Variants in CNTN4 observed in about 807,000 individuals in gnomAD.
CNTN4 encodes the protein contactin-4.
CNTN4 carries 77 observed loss-of-function variants against 122.5 expected under a neutral mutation model. The observed-to-expected ratio is 0.63, with a 90% CI of 0.52 to 0.76. The LOEUF is 0.76. CNTN4 is among the 30% of genes least tolerant of loss of function. The pLI, the probability that CNTN4 is intolerant of heterozygous loss-of-function variation, is 0.00. For synonymous variants in CNTN4, 512 were observed against 447.0 expected (o/e 1.15, Z -1.83); for missense variants, 1,256 against 1,259.1 (o/e 1.00, Z 0.04).
intron 3 of CNTN4, among the ~76,000 whole-genome samples, chr3:2,348,491 T>A (rs2044488754): frequency 6.6e-6 from 1 of 152,204 alleles, no homozygotes; most frequent in Non-Finnish European, 1.5e-5. Flanking sequence ...AGAACCACCC[T>A]GTCCCTGAAC....
intron 12 of CNTN4, among the ~76,000 whole-genome samples, chr3:2,923,063 C>T (rs2094443673): frequency 6.6e-6 from 1 of 152,138 alleles, no homozygotes; most frequent in African/African-American, 2.4e-5. Context: ...GTCTGATATG[C>T]TATTTCAAAT....
chr3:3,012,031 T>C (rs1697282757), intron 14 of CNTN4, among the ~76,000 whole-genome samples: 1 of 152,160 alleles, frequency 6.6e-6, no homozygotes, highest in Non-Finnish European at 1.5e-5. Flanking sequence ...ACAAGTCAAA[T>C]AACTTTCCCA....
intron 2 of CNTN4, among the ~76,000 whole-genome samples, chr3:2,335,231 AAACTTT>A (rs1214173945): frequency 6.6e-6 from 1 of 152,120 alleles, no homozygotes; most frequent in Admixed American, 6.6e-5. Flanking sequence ...TTTATAATAA[AAACTTT>A]AACTTAGGAT....
At chr3:3,050,997 C>G (rs1574941365) in intron 23 of CNTN4, among the ~76,000 whole-genome samples, 1 of 152,262 alleles carries the variant, frequency 6.6e-6, no homozygotes, top group Non-Finnish European at 1.5e-5. Context: ...CCCAAGATGG[C>G]TTTGAATGTG....
At chr3:2,950,071 C>G (rs759656507) in intron 13 of CNTN4, among the ~76,000 whole-genome samples, 14 of 152,212 alleles carry the variant, frequency 9.2e-5, no homozygotes, top group Non-Finnish European at 1.6e-4. Flanking sequence ...TAACTGCTTA[C>G]CCACCTGATT....
chr3:2,147,195 T>C (rs576434928), intron 2 of CNTN4, among the ~76,000 whole-genome samples: 2 of 152,156 alleles, frequency 1.3e-5, no homozygotes, highest in Non-Finnish European at 2.9e-5. Flanking sequence ...CATAGTATTA[T>C]AGAAAATGTC....
intron 4 of CNTN4, among the ~76,000 whole-genome samples, chr3:2,629,054 C>G (rs1013867111): frequency 6.6e-6 from 1 of 152,150 alleles, no homozygotes; most frequent in Non-Finnish European, 1.5e-5. Context: ...GAAGCGGTAT[C>G]TGAAAGGAAC....
intron 4 of CNTN4, among the ~76,000 whole-genome samples, chr3:2,587,067 A>G (rs1381160792): frequency 6.6e-6 from 1 of 152,202 alleles, no homozygotes; most frequent in Non-Finnish European, 1.5e-5. Flanking sequence ...TAAAATGAGT[A>G]AAGTTTTGAT....
intron 13 of CNTN4, among the ~76,000 whole-genome samples, chr3:2,960,046 C>A (rs941493368): frequency 6.6e-6 from 1 of 151,138 alleles, no homozygotes; most frequent in East Asian, 1.9e-4. Context: ...GAAAATATTC[C>A]AAAATGAAAT....
intron 2 of CNTN4, among the ~76,000 whole-genome samples, chr3:2,148,697 G>T (rs72622120): frequency 6.6e-6 from 1 of 152,040 alleles, no homozygotes. Context: ...ATAATTATCA[G>T]ATGACGAAAT....
intron 3 of CNTN4, among the ~76,000 whole-genome samples, chr3:2,439,341 G>T (rs567195249): frequency 6.6e-6 from 1 of 152,210 alleles, no homozygotes; most frequent in South Asian, 2.1e-4. Flanking sequence ...TTATTTTGAT[G>T]CATACTGAAG....
At chr3:2,952,319 A>G (rs1486561270) in intron 13 of CNTN4, among the ~76,000 whole-genome samples, 1 of 152,164 alleles carries the variant, frequency 6.6e-6, no homozygotes, top group Non-Finnish European at 1.5e-5. Flanking sequence ...CATAAAAAGG[A>G]CTAGATTTGG....
chr3:2,410,644 T>G (rs1405181126), intron 3 of CNTN4, among the ~76,000 whole-genome samples: 1 of 152,182 alleles, frequency 6.6e-6, no homozygotes, highest in Admixed American at 6.5e-5. Context: ...AAGCCACAGG[T>G]AGGTTACTAG....
intron 2 of CNTN4, among the ~76,000 whole-genome samples, chr3:2,170,205 A>G (rs1054263150): frequency 9.9e-5 from 15 of 151,698 alleles, no homozygotes; most frequent in Non-Finnish European, 7.4e-5. Context: ...CTGTAGTCCC[A>G]GCTACTCGGG....
At chr3:2,432,814 C>T (rs1329789590) in intron 3 of CNTN4, among the ~76,000 whole-genome samples, 1 of 141,634 alleles carries the variant, frequency 7.1e-6, no homozygotes, top group Non-Finnish European at 1.5e-5. Flanking sequence ...ACACTAACTG[C>T]TTTTTTTTTT....
intron 23 of CNTN4, among the ~76,000 whole-genome samples, chr3:3,049,140 T>C (rs898672556): frequency 6.6e-6 from 1 of 152,120 alleles, no homozygotes; most frequent in Admixed American, 6.5e-5. Context: ...TGGAGTGTAG[T>C]GGTACAATCT....
chr3:2,464,582 G>A (rs1229309566), intron 3 of CNTN4, among the ~76,000 whole-genome samples: 1 of 152,228 alleles, frequency 6.6e-6, no homozygotes, highest in Non-Finnish European at 1.5e-5. Context: ...TCAGACTCTG[G>A]TGTGGATCAC....
intron 4 of CNTN4, among the ~76,000 whole-genome samples, chr3:2,611,183 C>A (rs1239158690): frequency 6.6e-6 from 1 of 151,418 alleles, no homozygotes; most frequent in African/African-American, 2.4e-5. Context: ...AAACTCTTTG[C>A]CTCTATTTTG....
At chr3:2,258,745 A>T (rs1176261141) in intron 2 of CNTN4, among the ~76,000 whole-genome samples, 1 of 152,072 alleles carries the variant, frequency 6.6e-6, no homozygotes, top group Non-Finnish European at 1.5e-5. Flanking sequence ...TTGAACTGGC[A>T]TCTCATGTCT....
Sources: allele counts gnomAD v4.1 joint callset (sites outside exome capture counted in the v4.1 genomes callset), GRCh38; gene constraint gnomAD v4.1.1; transcripts MANE v1.5; gene names NCBI Gene and HGNC (gene_info 2026-07-23, HGNC 2026-07-21).